C1orf94: variants seen among roughly 807,000 people sequenced by gnomAD.
C1orf94 encodes uncharacterized protein C1orf94.
In C1orf94, 45 loss-of-function variants were observed where a neutral mutation model predicts 53.6. The observed-to-expected ratio is 0.84, with a 90% CI of 0.66 to 1.08. C1orf94 has a LOEUF of 1.08. Ranked by LOEUF, C1orf94 falls within the 50% of genes least tolerant of loss-of-function variation. C1orf94 has a pLI of 0.00. For missense variants in C1orf94, 762 were observed against 738.9 expected (o/e 1.03, Z -0.36); for synonymous variants, 304 against 296.1 (o/e 1.03, Z -0.27).
rs538864070 is a variant in C1orf94, at chr1:34,194,512, G to A, written c.321-2713G>A. Among the ~76,000 whole-genome samples the A allele has an allele frequency of 1.5e-3, 221 of 152,262 alleles. 1 individual carries two copies. Among genetic ancestry groups the A allele is most frequent in the African/African-American group, 5.1e-3 (212 of 41,542 alleles). On this transcript the variant is annotated intron_variant, in intron 1 of 6. Transcript: ENST00000488417. ...TAGAAGCTACTTTGAGTATGTGCGTGTAATATTTGTATAAAATAAAGCAGA... is the reference window on the plus strand; with the variant it reads ...TAGAAGCTACTTTGAGTATGTGCGTATAATATTTGTATAAAATAAAGCAGA...
At chr1:34,181,306 G>T (rs928135122) in intron 1 of C1orf94, among the ~76,000 whole-genome samples, 6 of 152,110 alleles carry the variant, frequency 3.9e-5, no homozygotes, top group Non-Finnish European at 8.8e-5. Flanking sequence ...CCACACTGTT[G>T]GTCCTTGTGG....
At chr1:34,208,407 G>A (rs942825686) in intron 5 of C1orf94, among the ~76,000 whole-genome samples, 173 bp downstream of exon 5, 8 of 152,166 alleles carry the variant, frequency 5.3e-5, no homozygotes, top group African/African-American at 1.7e-4. Flanking sequence ...ACCGATGTCC[G>A]TATGTGACAA....
At chr1:34,213,531 T>A (rs1023270326) in intron 6 of C1orf94, among the ~76,000 whole-genome samples, 150 of 152,242 alleles carry the variant, frequency 9.9e-4, no homozygotes, top group African/African-American at 3.6e-3. Flanking sequence ...CCCTTTTCTT[T>A]TTTTATTTTA....
chr1:34,168,997 T>C (rs1003810179), intron 1 of C1orf94, among the ~76,000 whole-genome samples: 4 of 152,186 alleles, frequency 2.6e-5, no homozygotes, highest in Non-Finnish European at 5.9e-5. Flanking sequence ...AGATATCTGT[T>C]TACATTTATT....
At chr1:34,170,848 C>T (rs1642136046) in intron 1 of C1orf94, among the ~76,000 whole-genome samples, 2 of 152,040 alleles carry the variant, frequency 1.3e-5, no homozygotes, top group African/African-American at 4.8e-5. Context: ...TCCTGGACTC[C>T]CATCTTGCCC....
At chr1:34,200,341 G>A (rs1355312348) in intron 2 of C1orf94, among the ~76,000 whole-genome samples, 3 of 152,166 alleles carry the variant, frequency 2.0e-5, no homozygotes, top group Non-Finnish European at 4.4e-5. Flanking sequence ...TGGAAGGAAT[G>A]AGGAAAAGTA....
At position 34,218,869 on chromosome 1, in the gene C1orf94, AC is replaced by A; in HGVS notation, c.*110del. Reference sequence around the variant, plus strand: ...TGAAGTTTGGAAAAGCAAGGTTCTGACCAGGTCACAGACAAAACAGCAAGAC... The same window carrying A: ...TGAAGTTTGGAAAAGCAAGGTTCTGACAGGTCACAGACAAAACAGCAAGAC... On this transcript the variant is annotated 3_prime_UTR_variant, in exon 7 of 7. Transcript: ENST00000488417. 1.1e-6 allele frequency: 1 copy of A among 904,402 alleles called. No individual in the cohort carries two copies. Among genetic ancestry groups the A allele is most frequent in the Non-Finnish European group, 1.6e-6 (1 of 612,784 alleles). The allele number at this position is 904,402 out of a possible 1,614,324, so 56.0% of individuals were successfully genotyped here.
At chr1:34,198,559 G>A (rs1386388168) in intron 2 of C1orf94, among the ~76,000 whole-genome samples, 1 of 152,236 alleles carries the variant, frequency 6.6e-6, no homozygotes, top group East Asian at 1.9e-4. Context: ...TAACCAGTCA[G>A]ACTATATGGT....
intron 1 of C1orf94, among the ~76,000 whole-genome samples, chr1:34,188,221 T>C (rs2792928): frequency 0.24 from 36,152 of 151,714 alleles, 4,763 homozygotes; most frequent in African/African-American, 0.35. Flanking sequence ...TGGAAGGGGG[T>C]CAAAGATGAC....
At chr1:34,211,246 C>T (rs550224589) in intron 5 of C1orf94, among the ~76,000 whole-genome samples, 2 of 152,266 alleles carry the variant, frequency 1.3e-5, no homozygotes, top group African/African-American at 4.8e-5. Flanking sequence ...TTTCTTTCCT[C>T]CCTCCTTCCT....
intron 1 of C1orf94, among the ~76,000 whole-genome samples, chr1:34,196,935 C>T (rs968807636): frequency 6.6e-6 from 1 of 152,158 alleles, no homozygotes; most frequent in African/African-American, 2.4e-5. Context: ...GAGGAATGGA[C>T]TAGAATTAAG....
At chr1:34,186,629 C>T (rs1642388591) in intron 1 of C1orf94, among the ~76,000 whole-genome samples, 1 of 152,190 alleles carries the variant, frequency 6.6e-6, no homozygotes, top group African/African-American at 2.4e-5. Flanking sequence ...AATGCTTCCC[C>T]AGCTCTGAGA....
At position 34,202,229 on chromosome 1, in the gene C1orf94, C is replaced by T; in HGVS notation, c.1416C>T (p.Phe472=). The stretch of plus-strand genomic sequence containing the variant: ...TGAACTATCCACCTCCACCAGTGTT[C>T]ACGAATCACTCTACCTTCTTGCAGT... ...LNLNYPPPPV[F]TNHSTFLQYQ... Residue 472 remains phenylalanine (F), a synonymous_variant, in exon 4 of 7, where the codon TTC becomes TTT. Transcript: ENST00000488417. 6.2e-7 allele frequency: 1 copy of T among 1,614,198 alleles called. No individual in the cohort carries two copies. The highest frequency in any genetic ancestry group is 8.5e-7 in the Non-Finnish European group (1 of 1,180,030).
At chr1:34,179,506 C>T (rs1320815342) in intron 1 of C1orf94, among the ~76,000 whole-genome samples, 1 of 152,274 alleles carries the variant, frequency 6.6e-6, no homozygotes, top group Non-Finnish European at 1.5e-5. Flanking sequence ...TGGAGACAGA[C>T]TCGACTTCCA....
intron 1 of C1orf94, among the ~76,000 whole-genome samples, chr1:34,179,537 T>C (rs1642281769): frequency 6.6e-6 from 1 of 152,222 alleles, no homozygotes; most frequent in Non-Finnish European, 1.5e-5. Context: ...GGCTGAAAAT[T>C]GAACTGGTGC....
At chr1:34,169,462 A>G (rs1308856397) in intron 1 of C1orf94, among the ~76,000 whole-genome samples, 1 of 152,216 alleles carries the variant, frequency 6.6e-6, no homozygotes, top group Non-Finnish European at 1.5e-5. Context: ...TCCAGATAAA[A>G]TCAGAGTTTG....
chr1:34,170,505 G>A (rs979578058), intron 1 of C1orf94, among the ~76,000 whole-genome samples: 3 of 152,128 alleles, frequency 2.0e-5, no homozygotes, highest in Non-Finnish European at 2.9e-5. Context: ...GCACTCACAG[G>A]GTACCAAGGA....
Position 34,195,197 on chromosome 1 carries a change from C to T in C1orf94, c.321-2028C>T, listed in dbSNP as rs78755986. Among the ~76,000 whole-genome samples, 999 of 152,248 alleles carry T rather than the reference C, an allele frequency of 6.6e-3. 9 individuals carry two copies. The highest frequency in any genetic ancestry group is 0.023 in the African/African-American group (943 of 41,556). On this transcript the variant is annotated intron_variant, in intron 1 of 6. Transcript: ENST00000488417. ...GTGGCCCTTCAGGAGCTGGCCGGGA[C>T]CAGCCCACACTAGCTAATGCTCACA... is the stretch of plus-strand genomic sequence containing the variant.
At chr1:34,169,813 C>T (rs983262024) in intron 1 of C1orf94, among the ~76,000 whole-genome samples, 2 of 152,158 alleles carry the variant, frequency 1.3e-5, no homozygotes, top group Non-Finnish European at 2.9e-5. Context: ...CTCCCAAGGG[C>T]GAGGCTATCA....
Sources: allele counts gnomAD v4.1 joint callset (sites outside exome capture counted in the v4.1 genomes callset), GRCh38; gene constraint gnomAD v4.1.1; transcripts MANE v1.5; gene names NCBI Gene and HGNC (gene_info 2026-07-23, HGNC 2026-07-21).